The following L2HGDH variants were observed in gnomAD, a reference collection of about 807,000 sequenced individuals.
L2HGDH encodes the protein L-2-hydroxyglutarate dehydrogenase, mitochondrial.
Under a neutral mutation model 51.5 loss-of-function variants are expected in L2HGDH, and 34 were observed. The observed-to-expected ratio is 0.66, with a 90% CI of 0.50 to 0.88. L2HGDH has a LOEUF of 0.88. L2HGDH is among the 40% of genes least tolerant of loss of function. L2HGDH has a pLI of 0.00. For synonymous variants in L2HGDH, 198 were observed against 197.9 expected (o/e 1.00, Z -0.01); for missense variants, 558 against 571.9 (o/e 0.98, Z 0.25).
chr14:50,297,953 GAAC>G (rs1357085842), intron 3 of L2HGDH, among the ~76,000 whole-genome samples: 6 of 151,266 alleles, frequency 4.0e-5, no homozygotes, highest in Admixed American at 6.6e-5. Context: ...AAACCAAAAC[GAAC>G]AACAACAACA....
At position 50,243,533 on chromosome 14, in the gene L2HGDH, TA is replaced by T. The variant is rs1887876625; in HGVS notation, c.*3524del. 1 of 738,104 alleles carries T rather than the reference TA, an allele frequency of 1.4e-6. No homozygotes were observed. The highest frequency in any genetic ancestry group is 1.9e-5 in the African/African-American group (1 of 52,638). The allele number at this position is 738,104 out of a possible 1,614,324, so 45.7% of individuals were successfully genotyped here. On this transcript the variant is annotated 3_prime_UTR_variant, in exon 10 of 10. Coordinates refer to ENST00000267436, the MANE Select transcript of L2HGDH (RefSeq NM_024884.3). ...ATACATTTCTTCTGTCAGAAATACA[TA>T]AAACTTTATTATATCAGTATTAAAC...
At chr14:50,293,283 T>A in intron 4 of L2HGDH, 1 of 702,232 alleles carries the variant, frequency 1.4e-6, no homozygotes, top group Middle Eastern at 2.3e-4. Context: ...CAACTGGATA[T>A]CTGTTTGGGG....
chr14:50,278,176 A>G (rs1219483294), intron 6 of L2HGDH, among the ~76,000 whole-genome samples: 1 of 152,232 alleles, frequency 6.6e-6, no homozygotes, highest in Admixed American at 6.5e-5. Flanking sequence ...CTCCCTCTGG[A>G]CAACCTGCAT....
chr14:50,286,892 T>C (rs1890595955), intron 4 of L2HGDH, among the ~76,000 whole-genome samples: 1 of 152,232 alleles, frequency 6.6e-6, no homozygotes. Context: ...CTTATCACTA[T>C]ATCTTCTTTT....
At chr14:50,284,653 C>G (rs1456826825) in intron 4 of L2HGDH, among the ~76,000 whole-genome samples, 2 of 152,194 alleles carry the variant, frequency 1.3e-5, no homozygotes, top group Admixed American at 1.3e-4. Flanking sequence ...GAGAATTTCA[C>G]ACACTAAGTA....
Position 50,312,063 on chromosome 14 carries a change from C to T in L2HGDH, c.88G>A (p.Ala30Thr). 6.3e-7 allele frequency: 1 copy of T among 1,596,616 alleles called. No homozygotes were observed. The highest frequency in any genetic ancestry group is 8.5e-7 in the Non-Finnish European group (1 of 1,173,190). ...AGGSPGACGF[A>T]SGRPRPLCGG... is the part of the protein sequence containing the mutation. Reference sequence around the variant, plus strand: ...CACAGCGGTCTTGGCCTCCCAGACGCGAACCCGCACGCCCCAGGGGAGCCA... The same window carrying T: ...CACAGCGGTCTTGGCCTCCCAGACGTGAACCCGCACGCCCCAGGGGAGCCA... Residue 30 changes from alanine (A) to threonine (T), a missense_variant, in exon 1 of 10, where the codon GCG (alanine) becomes ACG (threonine). Physicochemically the swap from Ala to Thr is moderately conservative, Grantham distance 58. This residue lies in a region of L2HGDH where 194 missense variants were observed against 187.2 expected (regional missense o/e 1.04). Transcript: ENST00000267436.
intron 4 of L2HGDH, among the ~76,000 whole-genome samples, chr14:50,290,257 A>G (rs1890800062): frequency 6.6e-6 from 1 of 151,854 alleles, no homozygotes. Context: ...ACAGAGTGAG[A>G]CTCCGTCTCA....
chr14:50,250,151 C>T (rs1888262584), intron 9 of L2HGDH, among the ~76,000 whole-genome samples: 1 of 152,224 alleles, frequency 6.6e-6, no homozygotes. Context: ...ATCCACCCGT[C>T]TTGGCCTTCC....
At position 50,298,346 on chromosome 14, in the gene L2HGDH, G is replaced by A. The variant is rs1595139610; in HGVS notation, c.408+3671C>T. On this transcript the variant is annotated intron_variant, in intron 3 of 9. Transcript: ENST00000267436. ...CTTTTTTTTTTTGAGACAGAGTTTC[G>A]CTCTTGTTGCCCAGGCTGGAGTGCA... is the stretch of plus-strand genomic sequence containing the variant. Among the ~76,000 whole-genome samples the A allele has an allele frequency of 3.3e-5, 5 of 150,954 alleles. No individual in the cohort carries two copies. In the South Asian group the frequency reaches 6.3e-4, roughly 19 times the overall value.
intron 9 of L2HGDH, among the ~76,000 whole-genome samples, chr14:50,258,651 C>G (rs1409121533): frequency 1.3e-5 from 2 of 151,832 alleles, no homozygotes; most frequent in African/African-American, 4.8e-5. Flanking sequence ...GTAGGTGGGA[C>G]TACAGGAACA....
chr14:50,274,777 A>G (rs1265815066), intron 6 of L2HGDH, among the ~76,000 whole-genome samples: 1 of 152,184 alleles, frequency 6.6e-6, no homozygotes, highest in Non-Finnish European at 1.5e-5. Flanking sequence ...ACACAATGCA[A>G]TATTATTCAG....
At position 50,242,794 on chromosome 14, in the gene L2HGDH, C is replaced by A; in HGVS notation, c.*4264G>T. On this transcript the variant is annotated 3_prime_UTR_variant, in exon 10 of 10. Transcript: ENST00000267436. ...TACAACTCAAAAATGTTTACAAGAT[C>A]TTTAGATAATAGTGTATGCGCAGAA... 1 of 985,424 alleles carries A rather than the reference C, an allele frequency of 1.0e-6. No individual in the cohort carries two copies. Among genetic ancestry groups the A allele is most frequent in the Non-Finnish European group, 1.2e-6 (1 of 829,934 alleles). 61.0% of individuals were successfully genotyped at this position (985,424 alleles called of 1,614,324 possible).
In L2HGDH at chr14:50,247,145, C is replaced by G; in HGVS notation, c.1305G>C (p.Val435=). The G allele has an allele frequency of 6.2e-7, 1 of 1,614,152 alleles. No individual in the cohort carries two copies. Among genetic ancestry groups the G allele is most frequent in the South Asian group, 1.1e-5 (1 of 91,086 alleles). The change falls in exon 10 of 10, where the codon GTG becomes GTC. Residue 435 remains valine (V), a synonymous_variant. Transcript: ENST00000267436. ...VGDIGNRILH[V]RNAPSPAATS... ...TAGCAGCAGGAGAAGGTGCATTTCTCACATGAAGAATGCGATTTCCAATAT... is the reference window on the plus strand; with the variant it reads ...TAGCAGCAGGAGAAGGTGCATTTCTGACATGAAGAATGCGATTTCCAATAT...
At chr14:50,304,062 A>G (rs2030586710) in intron 1 of L2HGDH, among the ~76,000 whole-genome samples, 1 of 152,188 alleles carries the variant, frequency 6.6e-6, no homozygotes, top group Non-Finnish European at 1.5e-5. Flanking sequence ...AACCTAGATG[A>G]TATAGCTTAC....
intron 1 of L2HGDH, 111 bp downstream of exon 1, chr14:50,311,900 A>C: frequency 6.9e-7 from 1 of 1,446,956 alleles, no homozygotes; most frequent in Non-Finnish European, 9.3e-7. Context: ...CAGGACCCCA[A>C]CCTGCTCTCA....
intron 3 of L2HGDH, among the ~76,000 whole-genome samples, chr14:50,301,283 A>G (rs2030394107): frequency 1.3e-5 from 2 of 152,210 alleles, no homozygotes; most frequent in Non-Finnish European, 2.9e-5. Context: ...AATGTTAAAC[A>G]TGGAGTTACC....
intron 6 of L2HGDH, among the ~76,000 whole-genome samples, chr14:50,273,734 G>C (rs181094317): frequency 6.6e-6 from 1 of 152,096 alleles, no homozygotes; most frequent in Admixed American, 6.5e-5. Context: ...TCCAAAAAAT[G>C]TAAGAAACTC....
At chr14:50,301,431 T>C (rs1040194173) in intron 3 of L2HGDH, among the ~76,000 whole-genome samples, 5 of 152,174 alleles carry the variant, frequency 3.3e-5, no homozygotes, top group Admixed American at 2.6e-4. Context: ...CATATGTCTA[T>C]CAACTGATGA....
intron 1 of L2HGDH, among the ~76,000 whole-genome samples, chr14:50,307,567 T>C (rs1471286032): frequency 2.0e-5 from 3 of 152,214 alleles, no homozygotes; most frequent in Non-Finnish European, 4.4e-5. Context: ...GATAATTTTC[T>C]TAAGCTTTTT....
Sources: allele counts gnomAD v4.1 joint callset (sites outside exome capture counted in the v4.1 genomes callset), GRCh38; gene constraint gnomAD v4.1.1; regional missense constraint gnomAD v4.1.1; transcripts MANE v1.5; gene names NCBI Gene and HGNC (gene_info 2026-07-23, HGNC 2026-07-21).